The following PDCL3 variants were observed in gnomAD, a reference collection of about 807,000 sequenced individuals.
The protein encoded by PDCL3 is phosducin like 3.
PDCL3 carries 22 observed loss-of-function variants against 26.5 expected under a neutral mutation model. The ratio of observed to expected loss-of-function variants is 0.83; its 90% CI spans 0.59 to 1.19. The LOEUF is 1.19. Ranked by LOEUF, PDCL3 falls within the 50% of genes most tolerant of loss-of-function variation. PDCL3 has a pLI of 0.00. For synonymous variants in PDCL3, 81 were observed against 104.9 expected (o/e 0.77, Z 1.39); for missense variants, 246 against 294.1 (o/e 0.84, Z 1.20).
intron 2 of PDCL3, among the ~76,000 whole-genome samples, chr2:100,567,890 T>A (rs1420945612): frequency 6.6e-6 from 1 of 152,008 alleles, no homozygotes; most frequent in Admixed American, 6.6e-5. Flanking sequence ...TGGCGCAATC[T>A]TGGCTCACTG....
At chr2:100,569,114 A>T in intron 3 of PDCL3, 93 bp downstream of exon 3, 3 of 1,098,330 alleles carry the variant, frequency 2.7e-6, no homozygotes, top group South Asian at 2.8e-5. Context: ...GTGTGGGCTG[A>T]GCATGGTGAC....
At chr2:100,575,357 G>C (rs141852201) in intron 5 of PDCL3, among the ~76,000 whole-genome samples, 2,002 of 152,168 alleles carry the variant, frequency 0.013, 14 homozygotes, top group South Asian at 0.024. Context: ...GGATGGTCTC[G>C]ATCTCCAGAC....
At chr2:100,566,053 G>A (rs1320788972) in intron 1 of PDCL3, among the ~76,000 whole-genome samples, 2 of 152,032 alleles carry the variant, frequency 1.3e-5, no homozygotes, top group African/African-American at 2.4e-5. Context: ...ACAGGTGCCC[G>A]CCACCACGCT....
chr2:100,570,089 G>A (rs868028532), intron 4 of PDCL3, among the ~76,000 whole-genome samples: 72 of 152,240 alleles, frequency 4.7e-4, no homozygotes, highest in African/African-American at 1.7e-3. Flanking sequence ...CAGCCTGGGC[G>A]ACAGAGCGAG....
intron 3 of PDCL3, 101 bp downstream of exon 3, chr2:100,569,122 G>A: frequency 2.0e-6 from 2 of 991,890 alleles, no homozygotes; most frequent in Admixed American, 4.5e-5. Context: ...TGAGCATGGT[G>A]ACTCATACCT....
chr2:100,567,584 G>A (rs1408441543), intron 2 of PDCL3, among the ~76,000 whole-genome samples: 2 of 152,078 alleles, frequency 1.3e-5, no homozygotes, highest in African/African-American at 4.8e-5. Context: ...ATAGACCTGA[G>A]GGAGTTGTTG....
intron 5 of PDCL3, among the ~76,000 whole-genome samples, chr2:100,575,180 G>C (rs748191068): frequency 2.6e-5 from 4 of 152,134 alleles, no homozygotes; most frequent in Non-Finnish European, 4.4e-5. Flanking sequence ...GTGTCGCCCA[G>C]GCTGGAGTGC....
At chr2:100,563,708 AGAAT>A (rs1374145476) in intron 1 of PDCL3, among the ~76,000 whole-genome samples, 1 of 151,628 alleles carries the variant, frequency 6.6e-6, no homozygotes, top group African/African-American at 2.4e-5. Flanking sequence ...AAGCCTAAGG[AGAAT>A]GAATGAAAAC....
At chr2:100,564,085 TG>T (rs1328539394) in intron 1 of PDCL3, among the ~76,000 whole-genome samples, 1 of 150,906 alleles carries the variant, frequency 6.6e-6, no homozygotes, top group African/African-American at 2.4e-5. Context: ...GCTAATTTTT[TG>T]TGCAGATGGG....
At chr2:100,576,082 C>T (rs935262689) in intron 5 of PDCL3, among the ~76,000 whole-genome samples, 2 of 151,858 alleles carry the variant, frequency 1.3e-5, no homozygotes, top group African/African-American at 4.8e-5. Flanking sequence ...GTTTTATTTA[C>T]TTTTATTTTT....
intron 4 of PDCL3, among the ~76,000 whole-genome samples, chr2:100,570,142 G>T (rs1162092925): frequency 3.3e-5 from 5 of 151,482 alleles, no homozygotes; most frequent in South Asian, 2.1e-4. Flanking sequence ...AGTTTTTTGT[G>T]TTTTTTTTGC....
At chr2:100,570,076 C>G (rs913805128) in intron 4 of PDCL3, among the ~76,000 whole-genome samples, 1 of 152,198 alleles carries the variant, frequency 6.6e-6, no homozygotes, top group Non-Finnish European at 1.5e-5. Flanking sequence ...CGCCACTGCA[C>G]TCCAGCCTGG....
At chr2:100,563,365 T>C (rs1674992303) in intron 1 of PDCL3, 1 of 398,428 alleles carries the variant, frequency 2.5e-6, no homozygotes, top group Admixed American at 4.7e-5. Context: ...TCTTGCCGGA[T>C]CCCGCCTAAC....
At chr2:100,573,439 C>A (rs1675217449) in intron 5 of PDCL3, among the ~76,000 whole-genome samples, 1 of 151,878 alleles carries the variant, frequency 6.6e-6, no homozygotes, top group Non-Finnish European at 1.5e-5. Context: ...TTTGGGAGGC[C>A]AAGGCGGGTG....
intron 5 of PDCL3, among the ~76,000 whole-genome samples, chr2:100,575,387 G>A (rs1037161528): frequency 1.4e-4 from 21 of 152,252 alleles, no homozygotes; most frequent in South Asian, 4.2e-4. Flanking sequence ...CGCCCACCTT[G>A]GCCTCCCAAA....
intron 5 of PDCL3, among the ~76,000 whole-genome samples, chr2:100,575,192 A>G (rs144961607): frequency 0.01 from 1,555 of 152,178 alleles, 27 homozygotes; most frequent in African/African-American, 0.032. Context: ...CTGGAGTGCA[A>G]TGGCGCGATC....
At chr2:100,564,382 C>T (rs527601446) in intron 1 of PDCL3, among the ~76,000 whole-genome samples, 3 of 152,022 alleles carry the variant, frequency 2.0e-5, no homozygotes, top group East Asian at 3.9e-4. Context: ...CTGCAAGCTC[C>T]GCCTCTCCAG....
intron 1 of PDCL3, among the ~76,000 whole-genome samples, chr2:100,563,987 C>G (rs1675010251): frequency 6.6e-6 from 1 of 150,706 alleles, no homozygotes; most frequent in Non-Finnish European, 1.5e-5. Flanking sequence ...TCACAGCTCA[C>G]TGCAACCTCG....
intron 5 of PDCL3, among the ~76,000 whole-genome samples, chr2:100,572,438 C>G (rs1675195898): frequency 6.6e-6 from 1 of 152,150 alleles, no homozygotes; most frequent in African/African-American, 2.4e-5. Flanking sequence ...TCTCAAACTC[C>G]TGGCCTCAAG....
Sources: gnomAD v4.1 joint callset for allele counts (sites outside exome capture counted in the v4.1 genomes callset) on GRCh38, gnomAD v4.1.1 for gene constraint, MANE v1.5 for transcripts, NCBI Gene and HGNC (gene_info 2026-07-23, HGNC 2026-07-21) for gene names.